Variants in OSBPL10 observed in about 807,000 individuals in gnomAD.
OSBPL10 encodes the protein oxysterol binding protein like 10.
Under a neutral mutation model 81.7 loss-of-function variants are expected in OSBPL10, and 49 were observed. The observed-to-expected ratio is 0.60, with a 90% confidence interval of 0.48 to 0.76. The LOEUF is 0.76. Ranked by LOEUF, OSBPL10 falls within the 30% of genes least tolerant of loss-of-function variation. The pLI is 0.00. For synonymous variants in OSBPL10, 419 were observed against 383.6 expected, an observed-to-expected ratio of 1.09 and a Z score of -1.08; for missense variants, 923 against 987.8, an observed-to-expected ratio of 0.93 and a Z score of 0.88.
intron 4 of OSBPL10, among the ~76,000 whole-genome samples, chr3:31,807,199 G>A (rs553409918): frequency 9.9e-5 from 15 of 151,658 alleles, no homozygotes; most frequent in African/African-American, 3.6e-4. Context: ...GGTCAACATG[G>A]TGAAACCCTG....
intron 2 of OSBPL10, among the ~76,000 whole-genome samples, chr3:32,028,989 C>CAG (rs1575088502): frequency 6.9e-6 from 1 of 144,596 alleles, no homozygotes; most frequent in Non-Finnish European, 1.5e-5. Context: ...CACACACACA[C>CAG]CAGGAATGTT....
intron 2 of OSBPL10, among the ~76,000 whole-genome samples, chr3:31,995,402 T>G (rs1047133940): frequency 1.3e-5 from 2 of 152,226 alleles, no homozygotes; most frequent in African/African-American, 4.8e-5. Flanking sequence ...TTTAGCGATA[T>G]CTTCCCTATT....
At chr3:31,827,773 G>A (rs1466276697) in intron 4 of OSBPL10, among the ~76,000 whole-genome samples, 6 of 152,004 alleles carry the variant, frequency 3.9e-5, no homozygotes, top group Non-Finnish European at 8.8e-5. Context: ...TACAATTGTA[G>A]GTAATTTTAA....
chr3:31,837,321 T>TTATATATATATA (rs59797512), intron 3 of OSBPL10, among the ~76,000 whole-genome samples: 2 of 59,086 alleles, frequency 3.4e-5, no homozygotes, highest in Admixed American at 2.1e-4. Context: ...GATCCCCAAA[T>TTATATATATATA]TATATATATA....
chr3:31,924,644 G>GA (rs1248878283), intron 1 of OSBPL10, among the ~76,000 whole-genome samples: 1 of 152,110 alleles, frequency 6.6e-6, no homozygotes, highest in African/African-American at 2.4e-5. Context: ...GACTTGACTT[G>GA]AATATTGAAT....
intron 3 of OSBPL10, among the ~76,000 whole-genome samples, chr3:31,860,081 A>G (rs1183695364): frequency 6.6e-6 from 1 of 152,004 alleles, no homozygotes; most frequent in Non-Finnish European, 1.5e-5. Context: ...CGCACATTGG[A>G]ACCAGCCCTT....
At chr3:31,812,094 C>G (rs1699696284) in intron 4 of OSBPL10, among the ~76,000 whole-genome samples, 3 of 152,174 alleles carry the variant, frequency 2.0e-5, no homozygotes, top group Admixed American at 2.0e-4. Context: ...GTGTCGCGAT[C>G]TCGGCTCACT....
chr3:32,012,371 A>C (rs1699268776), intron 2 of OSBPL10, among the ~76,000 whole-genome samples: 1 of 152,286 alleles, frequency 6.6e-6, no homozygotes, highest in East Asian at 1.9e-4. Context: ...GAAATAAAAT[A>C]CTTTACAGAC....
At chr3:32,022,448 C>T (rs900187543) in intron 2 of OSBPL10, among the ~76,000 whole-genome samples, 1 of 152,098 alleles carries the variant, frequency 6.6e-6, no homozygotes, top group Non-Finnish European at 1.5e-5. Context: ...AAAGGTGGGA[C>T]ATCTTGAAGT....
intron 4 of OSBPL10, among the ~76,000 whole-genome samples, chr3:31,815,022 G>C (rs1699800968): frequency 6.6e-6 from 1 of 152,090 alleles, no homozygotes; most frequent in Non-Finnish European, 1.5e-5. Flanking sequence ...TAAGAAACTA[G>C]CAACTTCTGC....
intron 8 of OSBPL10, among the ~76,000 whole-genome samples, chr3:31,672,216 A>T (rs996698325): frequency 1.3e-4 from 20 of 152,076 alleles, no homozygotes; most frequent in Non-Finnish European, 2.4e-4. Flanking sequence ...TCTTCAGCTC[A>T]CAACAGCCCT....
intron 1 of OSBPL10, among the ~76,000 whole-genome samples, chr3:31,919,178 CCTTT>C (rs1382020673): frequency 6.6e-6 from 1 of 152,178 alleles, no homozygotes; most frequent in Non-Finnish European, 1.5e-5. Flanking sequence ...CTCAACCACT[CCTTT>C]CTTTGCCTCT....
chr3:31,879,394 G>A (rs1701563384), intron 2 of OSBPL10: 2 of 394,538 alleles, frequency 5.1e-6, no homozygotes, highest in South Asian at 4.0e-5. Flanking sequence ...TAAGATCTTC[G>A]AAGTCCTAAG....
chr3:31,815,851 A>ATATG (rs1699821910), intron 4 of OSBPL10, among the ~76,000 whole-genome samples: 1 of 152,106 alleles, frequency 6.6e-6, no homozygotes, highest in South Asian at 2.1e-4. Context: ...CCAAAATACA[A>ATATG]TATGTTATTG....
chr3:31,674,898 G>A (rs770591966), intron 8 of OSBPL10, among the ~76,000 whole-genome samples: 10 of 152,210 alleles, frequency 6.6e-5, no homozygotes, highest in Non-Finnish European at 1.3e-4. Flanking sequence ...TCTGCCCAAC[G>A]GCAGGCTCAT....
intron 2 of OSBPL10, among the ~76,000 whole-genome samples, chr3:32,013,077 C>T (rs1575085521): frequency 6.6e-6 from 1 of 152,178 alleles, no homozygotes; most frequent in Admixed American, 6.5e-5. Context: ...TTGAACTCAG[C>T]TCTGCACCAA....
At chr3:32,016,495 A>C (rs531865784) in intron 2 of OSBPL10, among the ~76,000 whole-genome samples, 2 of 152,310 alleles carry the variant, frequency 1.3e-5, no homozygotes, top group East Asian at 3.9e-4. Context: ...TACCTAATGT[A>C]AACGACAAGT....
intron 2 of OSBPL10, chr3:32,030,227 C>T (rs1368698283): frequency 3.9e-5 from 11 of 281,004 alleles, no homozygotes; most frequent in Non-Finnish European, 5.6e-5. Flanking sequence ...AGGAGAGACA[C>T]GTGATACATG....
intron 1 of OSBPL10, among the ~76,000 whole-genome samples, chr3:31,899,127 A>G (rs1696153568): frequency 6.6e-6 from 1 of 151,862 alleles, no homozygotes; most frequent in Non-Finnish European, 1.5e-5. Flanking sequence ...ATTTTAGTAG[A>G]GACGGGGTTT....
Sources: gnomAD v4.1 joint callset for allele counts (sites outside exome capture counted in the v4.1 genomes callset) on GRCh38, gnomAD v4.1.1 for gene constraint, MANE v1.5 for transcripts, NCBI Gene and HGNC (gene_info 2026-07-23, HGNC 2026-07-21) for gene names.